The following PPP2R2A variants were observed in gnomAD, a reference collection of about 807,000 sequenced individuals.
PPP2R2A encodes the protein serine/threonine-protein phosphatase 2A 55 kDa regulatory subunit B alpha isoform.
PPP2R2A carries 9 observed loss-of-function variants against 53.2 expected under a neutral mutation model. The observed-to-expected ratio is 0.17, with a 90% CI of 0.10 to 0.30. PPP2R2A has a LOEUF of 0.30. PPP2R2A is among the 10% of genes least tolerant of loss of function. The probability of loss-of-function intolerance (pLI) is 1.00; values close to 1 mark genes in which losing one functional copy is unlikely to be tolerated. For synonymous variants in PPP2R2A, 169 were observed against 174.2 expected, an observed-to-expected ratio of 0.97 and a Z score of 0.23; for missense variants, 235 against 534.6, an observed-to-expected ratio of 0.44 and a Z score of 5.53.
intron 8 of PPP2R2A, 71 bp from the exon 9 acceptor site, chr8:26,366,244 C>T: frequency 1.7e-5 from 21 of 1,261,278 alleles, no homozygotes; most frequent in Middle Eastern, 2.1e-4. Context: ...CCCTTTTTTT[C>T]TTTTTAAAGA....
At chr8:26,336,987 A>G (rs975089315) in intron 2 of PPP2R2A, among the ~76,000 whole-genome samples, 5 of 152,004 alleles carry the variant, frequency 3.3e-5, no homozygotes, top group African/African-American at 1.2e-4. Context: ...TCTCCTTACT[A>G]AGTGATAGTT....
At chr8:26,329,706 G>A (rs1803272685) in intron 2 of PPP2R2A, among the ~76,000 whole-genome samples, 1 of 152,114 alleles carries the variant, frequency 6.6e-6, no homozygotes, top group Non-Finnish European at 1.5e-5. Context: ...AAAAAAGCTT[G>A]GTTATTTTCT....
chr8:26,360,444 T>C lies in PPP2R2A; in HGVS notation c.459+163T>C, dbSNP rs549911470. Among the ~76,000 whole-genome samples, 1 of 152,304 alleles carries C rather than the reference T, an allele frequency of 6.6e-6. No individual in the cohort carries two copies. The highest frequency in any genetic ancestry group is 1.9e-4 in the East Asian group (1 of 5,192). ...GAGTAACTCATTTAAACATAGAAAC[T>C]GACCTACATAGAGGTCTCACTTTGG... On this transcript the variant is annotated intron_variant, in intron 5 of 9. Coordinates refer to ENST00000380737, the MANE Select transcript of PPP2R2A (RefSeq NM_002717.4). This position sits in a 1 kb window ranked among gnomAD's most constrained non-coding sequence, Gnocchi z 4.5.
chr8:26,297,314 G>T (rs573436431), intron 2 of PPP2R2A, among the ~76,000 whole-genome samples: 2 of 151,988 alleles, frequency 1.3e-5, no homozygotes, highest in Non-Finnish European at 2.9e-5. Context: ...TGCCATGTTG[G>T]CCAGGCTTGT....
intron 2 of PPP2R2A, among the ~76,000 whole-genome samples, chr8:26,336,079 G>T (rs1218694650): frequency 6.6e-6 from 1 of 152,002 alleles, no homozygotes; most frequent in Non-Finnish European, 1.5e-5. Context: ...TTGGAATATT[G>T]TACCTACAAT....
intron 2 of PPP2R2A, chr8:26,333,417 C>A: frequency 1.5e-6 from 1 of 651,150 alleles, no homozygotes; most frequent in Non-Finnish European, 2.2e-6. Context: ...CAAATACCTT[C>A]AGCTGTATTA....
At chr8:26,365,556 T>A (rs1805328608) in intron 8 of PPP2R2A, 1 of 152,234 alleles carries the variant, frequency 6.6e-6, no homozygotes, top group Non-Finnish European at 1.5e-5. Flanking sequence ...TGGTGAAATA[T>A]AGACACTTCC....
intron 2 of PPP2R2A, among the ~76,000 whole-genome samples, chr8:26,308,888 A>G (rs971061112): frequency 2.6e-5 from 4 of 151,940 alleles, no homozygotes; most frequent in African/African-American, 9.7e-5. Flanking sequence ...TTTTTGAGAT[A>G]GGGTCTCTGT....
At chr8:26,308,301 T>G (rs929332124) in intron 2 of PPP2R2A, among the ~76,000 whole-genome samples, 4 of 152,256 alleles carry the variant, frequency 2.6e-5, no homozygotes, top group Admixed American at 6.5e-5. Flanking sequence ...AAATGAAATT[T>G]GCTGCATCAG....
In PPP2R2A at chr8:26,360,328, T is replaced by G. The variant is rs759025532; in HGVS notation, c.459+47T>G. 8.8e-7 allele frequency: 1 copy of G among 1,131,344 alleles called. No homozygotes were observed. Among genetic ancestry groups the G allele is most frequent in the Admixed American group, 2.0e-5 (1 of 49,792 alleles). 70.1% of individuals were successfully genotyped at this position (1,131,344 alleles called of 1,614,324 possible). On this transcript the variant is annotated intron_variant, in intron 5 of 9. Transcript: ENST00000380737. The surrounding 1 kb of genome is among the most constrained non-coding windows in gnomAD (Gnocchi z 4.5). ...GTCACAGATAGTGCTTGTATTCATA[T>G]TATATAGCCCAAATCCTGAGCAGAG...
At chr8:26,348,124 T>A (rs1250715847) in intron 3 of PPP2R2A, among the ~76,000 whole-genome samples, 1 of 152,234 alleles carries the variant, frequency 6.6e-6, no homozygotes, top group Non-Finnish European at 1.5e-5. Flanking sequence ...ATATAGAAGA[T>A]GAACATTAAT....
At position 26,370,453 on chromosome 8, in the gene PPP2R2A, T is replaced by C. The variant is rs757896097; in HGVS notation, c.*40T>C. 1.4e-5 allele frequency: 22 copies of C among 1,591,632 alleles called. No individual in the cohort carries two copies. In the Middle Eastern group the frequency reaches 1.2e-3, roughly 84 times the overall value. On this transcript the variant is annotated 3_prime_UTR_variant, in exon 10 of 10. Transcript: ENST00000380737. This position sits in a 1 kb window ranked among gnomAD's most constrained non-coding sequence, Gnocchi z 6.1. Reference sequence around the variant, plus strand: ...GCAGAAGAACCCACTTCCTGCTTAGTTGAGATAGTTGAATCTAGCATTCGT... The same window carrying C: ...GCAGAAGAACCCACTTCCTGCTTAGCTGAGATAGTTGAATCTAGCATTCGT...
chr8:26,343,448 T>C (rs1296899295), intron 3 of PPP2R2A, among the ~76,000 whole-genome samples: 1 of 151,484 alleles, frequency 6.6e-6, no homozygotes, highest in Non-Finnish European at 1.5e-5. Flanking sequence ...CTCAGCTCAC[T>C]GCAGCCTCCA....
intron 2 of PPP2R2A, among the ~76,000 whole-genome samples, chr8:26,314,818 GT>G (rs1467579997): frequency 7.8e-6 from 1 of 128,282 alleles, no homozygotes; most frequent in Non-Finnish European, 1.6e-5. Context: ...TTCCTTCTCT[GT>G]TTCATTTGTT....
In PPP2R2A at chr8:26,308,985, C is replaced by T. The variant is rs144128567; in HGVS notation, c.82+15245C>T. Among the ~76,000 whole-genome samples the T allele has an allele frequency of 4.9e-4, 75 of 152,132 alleles. 2 individuals are homozygous for T. In the East Asian group the frequency reaches 9.3e-3, roughly 19 times the overall value. On this transcript the variant is annotated intron_variant, in intron 2 of 9. Coordinates refer to ENST00000380737, the MANE Select transcript of PPP2R2A (RefSeq NM_002717.4). ...AGGTGATTCTCCTGCCTCAGCCTTC[C>T]AAGTGGTTGGGGCTTCAGGTGTGCG...
At chr8:26,359,418 G>A (rs1804962538) in intron 4 of PPP2R2A, among the ~76,000 whole-genome samples, 1 of 152,174 alleles carries the variant, frequency 6.6e-6, no homozygotes, top group Admixed American at 6.5e-5. Flanking sequence ...GTAAGATGTT[G>A]ACAGAAGAAA....
intron 9 of PPP2R2A, among the ~76,000 whole-genome samples, chr8:26,369,471 A>C (rs1028200071): frequency 3.0e-4 from 45 of 151,920 alleles, no homozygotes; most frequent in African/African-American, 8.9e-4. Flanking sequence ...GCTCACTGCA[A>C]GCTCCACCTC....
chr8:26,346,349 C>T (rs1273877564), intron 3 of PPP2R2A, among the ~76,000 whole-genome samples: 1 of 152,034 alleles, frequency 6.6e-6, no homozygotes, highest in African/African-American at 2.4e-5. Flanking sequence ...CCATGCTGAC[C>T]GGGCTGGTCT....
chr8:26,347,664 A>G (rs1804288791), intron 3 of PPP2R2A, among the ~76,000 whole-genome samples: 2 of 152,064 alleles, frequency 1.3e-5, no homozygotes, highest in South Asian at 4.1e-4. Context: ...ACTTGATTTG[A>G]CTTTCTAATT....
Sources: allele counts gnomAD v4.1 joint callset (sites outside exome capture counted in the v4.1 genomes callset), GRCh38; gene constraint gnomAD v4.1.1; non-coding constraint Gnocchi (gnomAD v3.1); transcripts MANE v1.5; gene names NCBI Gene and HGNC (gene_info 2026-07-23, HGNC 2026-07-21).